Variants in CALN1 observed in about 807,000 individuals in gnomAD.
CALN1 encodes calcium-binding protein 8.
Under a neutral mutation model 30.6 loss-of-function variants are expected in CALN1, and 17 were observed. The ratio of observed to expected loss-of-function variants is 0.56; its 90% confidence interval spans 0.38 to 0.83. CALN1 has a LOEUF of 0.83. Among genes scored for constraint, CALN1 ranks in the 40% least tolerant of loss-of-function variants. CALN1 has a pLI of 0.00. For synonymous variants in CALN1, 156 were observed against 131.4 expected (o/e 1.19, Z -1.28); for missense variants, 291 against 354.9 (o/e 0.82, Z 1.45).
chr7:72,143,103 C>A (rs1585029359), intron 3 of CALN1, among the ~76,000 whole-genome samples: 1 of 152,186 alleles, frequency 6.6e-6, no homozygotes, highest in South Asian at 2.1e-4. Flanking sequence ...TCCTCACCAG[C>A]AACAGAACAA....
intron 3 of CALN1, among the ~76,000 whole-genome samples, chr7:72,171,014 G>A (rs1788914700): frequency 6.6e-6 from 1 of 152,040 alleles, no homozygotes; most frequent in Admixed American, 6.6e-5. Context: ...AAAATTAGCT[G>A]GGCATGGCGG....
At chr7:71,939,409 A>G (rs1796008601) in intron 5 of CALN1, among the ~76,000 whole-genome samples, 1 of 108,924 alleles carries the variant, frequency 9.2e-6, no homozygotes, top group Non-Finnish European at 2.5e-5. Context: ...AATACAAAAA[A>G]AAAAAAAAAA....
At chr7:72,398,243 A>G (rs759415794) in intron 2 of CALN1, among the ~76,000 whole-genome samples, 8 of 152,224 alleles carry the variant, frequency 5.3e-5, no homozygotes, top group Non-Finnish European at 8.8e-5. Flanking sequence ...ACCTTCCGTC[A>G]CAAGGAAGTT....
intron 3 of CALN1, among the ~76,000 whole-genome samples, chr7:72,229,567 T>A (rs1477590490): frequency 1.3e-5 from 2 of 151,840 alleles, no homozygotes; most frequent in East Asian, 3.9e-4. Context: ...AAACAGAAAA[T>A]ATGGCATATA....
chr7:71,962,831 G>GA (rs1027555596), intron 5 of CALN1, among the ~76,000 whole-genome samples: 9 of 151,966 alleles, frequency 5.9e-5, no homozygotes, highest in Non-Finnish European at 1.0e-4. Context: ...AGGCCAAAAA[G>GA]AAAAAAGACA....
At chr7:72,433,843 G>A (rs1162181553) in intron 1 of CALN1, among the ~76,000 whole-genome samples, 1 of 152,006 alleles carries the variant, frequency 6.6e-6, no homozygotes, top group South Asian at 2.1e-4. Context: ...GGTCGCTTGA[G>A]GCCAGGAGTT....
intron 2 of CALN1, among the ~76,000 whole-genome samples, chr7:72,316,928 G>A (rs1449343119): frequency 6.7e-6 from 1 of 149,374 alleles, no homozygotes; most frequent in African/African-American, 2.5e-5. Context: ...CTGGGCGACA[G>A]AGCAAGACTG....
upstream of CALN1, among the ~76,000 whole-genome samples, chr7:72,416,684 G>A (rs866594551): frequency 2.9e-5 from 4 of 138,834 alleles, no homozygotes; most frequent in South Asian, 2.3e-4. Context: ...GCAGTGAGCC[G>A]AGATCGCGTC....
chr7:72,040,238 G>A (rs1267409703), intron 4 of CALN1, among the ~76,000 whole-genome samples: 1 of 152,044 alleles, frequency 6.6e-6, no homozygotes, highest in Non-Finnish European at 1.5e-5. Context: ...ACTTTCAGAG[G>A]CTGAGGCAGG....
intron 3 of CALN1, among the ~76,000 whole-genome samples, chr7:72,230,838 G>A (rs780321311): frequency 1.3e-5 from 2 of 152,178 alleles, no homozygotes; most frequent in Non-Finnish European, 2.9e-5. Flanking sequence ...AGGCACAGTC[G>A]TTTCCCCATC....
At chr7:72,294,834 T>C (rs990984696) in intron 2 of CALN1, among the ~76,000 whole-genome samples, 16 of 152,022 alleles carry the variant, frequency 1.1e-4, no homozygotes, top group African/African-American at 3.1e-4. Flanking sequence ...AAGCCTCTGA[T>C]AAATTACCTG....
intron 5 of CALN1, among the ~76,000 whole-genome samples, chr7:72,008,048 T>C (rs1799871267): frequency 6.6e-6 from 1 of 152,242 alleles, no homozygotes; most frequent in Non-Finnish European, 1.5e-5. Flanking sequence ...ACATTCATGA[T>C]TTTAATGTAA....
intron 2 of CALN1, 53 bp from the exon 3 acceptor site, chr7:72,278,863 T>A: frequency 3.2e-6 from 5 of 1,575,702 alleles, no homozygotes; most frequent in Non-Finnish European, 4.3e-6. Context: ...CATTCATTCT[T>A]CCTTTCCTTT....
intron 3 of CALN1, among the ~76,000 whole-genome samples, chr7:72,136,136 A>AAATAAATAAATAAAT (rs1809494085): frequency 1.4e-5 from 2 of 140,802 alleles, no homozygotes; most frequent in African/African-American, 2.7e-5. Context: ...CTCTGTCTCA[A>AAATAAATAAATAAAT]AAATAAATAA....
intron 1 of CALN1, among the ~76,000 whole-genome samples, chr7:72,405,250 G>C (rs1009382006): frequency 6.6e-6 from 1 of 152,176 alleles, no homozygotes; most frequent in Non-Finnish European, 1.5e-5. Flanking sequence ...CATGTGCAAC[G>C]CACCCATGCA....
chr7:72,348,584 G>C (rs550217024), intron 2 of CALN1, among the ~76,000 whole-genome samples: 1 of 152,320 alleles, frequency 6.6e-6, no homozygotes, highest in Non-Finnish European at 1.5e-5. Context: ...GTGGAGAGTT[G>C]TTAAGTCGAA....
chr7:72,025,339 T>A (rs936865870), intron 4 of CALN1, among the ~76,000 whole-genome samples: 5 of 151,866 alleles, frequency 3.3e-5, no homozygotes, highest in Non-Finnish European at 7.4e-5. Context: ...AACAATAAAA[T>A]AAAATAAAAC....
chr7:72,455,846 C>T, the CALN1 span, among the ~76,000 whole-genome samples: 1 of 152,134 alleles, frequency 6.6e-6, no homozygotes, highest in Admixed American at 6.5e-5. Flanking sequence ...AAGAGATATT[C>T]ATGAGGCTGT....
At chr7:71,832,959 G>A (rs574604550) in intron 5 of CALN1, among the ~76,000 whole-genome samples, 5 of 152,214 alleles carry the variant, frequency 3.3e-5, no homozygotes, top group South Asian at 2.1e-4. Context: ...TCCTGCCCGC[G>A]ATGTCTTGAT....
Sources: allele counts gnomAD v4.1 joint callset (sites outside exome capture counted in the v4.1 genomes callset), GRCh38; gene constraint gnomAD v4.1.1; transcripts MANE v1.5; gene names NCBI Gene and HGNC (gene_info 2026-07-23, HGNC 2026-07-21).